Variants in GRIN3A observed in about 807,000 individuals in gnomAD.
GRIN3A encodes the protein glutamate receptor ionotropic, NMDA 3A.
A neutral mutation model predicts 92.4 loss-of-function variants in GRIN3A; 47 were observed. The observed-to-expected ratio is 0.51, with a 90% confidence interval of 0.40 to 0.65. GRIN3A has a LOEUF of 0.65. Ranked by LOEUF, GRIN3A falls within the 30% of genes least tolerant of loss-of-function variation. GRIN3A has a pLI of 0.00. For missense variants in GRIN3A, 1,324 were observed against 1,393.1 expected (o/e 0.95, Z 0.79); for synonymous variants, 527 against 540.6 (o/e 0.97, Z 0.35).
intron 1 of GRIN3A, among the ~76,000 whole-genome samples, chr9:101,733,365 A>T (rs1185709335): frequency 6.6e-6 from 1 of 152,236 alleles, no homozygotes; most frequent in African/African-American, 2.4e-5. Flanking sequence ...AAATACTTCC[A>T]AGTTAATGCC....
chr9:101,670,994 A>C lies in GRIN3A; in HGVS notation c.1418T>G (p.Met473Arg). Residue 473 changes from methionine (M) to arginine (R), a missense_variant, in exon 3 of 9, where the codon ATG becomes AGG. By Grantham distance (91) the Met-to-Arg change is moderately conservative. Transcript: ENST00000361820. Reference sequence around the variant, plus strand: ...CAAGCGGGTCCACATTGGCTTTCCCATGGGGTCATGTTGAAGATTCCAGAT... The same window carrying C: ...CAAGCGGGTCCACATTGGCTTTCCCCTGGGGTCATGTTGAAGATTCCAGAT... ...FFIWNLQHDPMGKPMWTRLGS... is the reference protein window; with the variant it reads ...FFIWNLQHDPRGKPMWTRLGS... 6.2e-7 allele frequency: 1 copy of C among 1,613,918 alleles called. No individual in the cohort carries two copies. The highest frequency in any genetic ancestry group is 8.5e-7 in the Non-Finnish European group (1 of 1,179,898).
At chr9:101,611,164 G>A (rs1588247418) in intron 6 of GRIN3A, among the ~76,000 whole-genome samples, 1 of 151,834 alleles carries the variant, frequency 6.6e-6, no homozygotes, top group Non-Finnish European at 1.5e-5. Context: ...CAGCTTAGGA[G>A]GCCAAAAGTC....
At chr9:101,662,393 C>T (rs909960039) in intron 3 of GRIN3A, among the ~76,000 whole-genome samples, 3 of 151,654 alleles carry the variant, frequency 2.0e-5, no homozygotes, top group Non-Finnish European at 2.9e-5. Flanking sequence ...AGACACTATG[C>T]AAGGTGCTTT....
chr9:101,627,753 A>T (rs2118877869), intron 4 of GRIN3A, among the ~76,000 whole-genome samples: 1 of 152,338 alleles, frequency 6.6e-6, no homozygotes, highest in South Asian at 2.1e-4. Flanking sequence ...GATGAGAAGA[A>T]TGCAGGCATG....
intron 3 of GRIN3A, among the ~76,000 whole-genome samples, chr9:101,662,076 G>A (rs1459973020): frequency 2.6e-5 from 4 of 151,784 alleles, no homozygotes; most frequent in African/African-American, 9.7e-5. Context: ...AAAGATTTAA[G>A]GCAGCTTAAA....
intron 1 of GRIN3A, among the ~76,000 whole-genome samples, chr9:101,723,656 C>T (rs1327806608): frequency 2.2e-4 from 34 of 152,130 alleles, no homozygotes; most frequent in Non-Finnish European, 1.2e-4. Context: ...CGTTTACAAT[C>T]CCTGAGCTAG....
chr9:101,644,958 A>G (rs1001672820), intron 3 of GRIN3A, among the ~76,000 whole-genome samples: 1 of 151,940 alleles, frequency 6.6e-6, no homozygotes, highest in African/African-American at 2.4e-5. Context: ...TCAAATCAGG[A>G]TGATTAGGAT....
chr9:101,704,062 G>C (rs1829784822), intron 1 of GRIN3A, among the ~76,000 whole-genome samples: 1 of 152,130 alleles, frequency 6.6e-6, no homozygotes, highest in African/African-American at 2.4e-5. Flanking sequence ...GCAAACAACG[G>C]TATTTACTAA....
chr9:101,660,955 G>T (rs576631788), intron 3 of GRIN3A, among the ~76,000 whole-genome samples: 2 of 151,870 alleles, frequency 1.3e-5, no homozygotes, highest in Admixed American at 6.6e-5. Context: ...CACTCTGCTA[G>T]GTTCTGAGGA....
intron 3 of GRIN3A, among the ~76,000 whole-genome samples, chr9:101,635,235 C>G (rs1828769619): frequency 6.6e-6 from 1 of 152,042 alleles, no homozygotes. Context: ...TGCATCAAGT[C>G]TCTTGTAGGG....
intron 1 of GRIN3A, among the ~76,000 whole-genome samples, chr9:101,688,994 C>G (rs1829577238): frequency 6.6e-6 from 1 of 152,196 alleles, no homozygotes; most frequent in Non-Finnish European, 1.5e-5. Context: ...CAGGCTTGAG[C>G]TGCCAGCAGG....
intron 3 of GRIN3A, among the ~76,000 whole-genome samples, chr9:101,634,971 C>T (rs1484168957): frequency 6.6e-6 from 1 of 152,174 alleles, no homozygotes; most frequent in African/African-American, 2.4e-5. Flanking sequence ...AAGAATGTTG[C>T]TGAGGTCCAC....
chr9:101,627,018 T>C (rs1411333396), intron 4 of GRIN3A, among the ~76,000 whole-genome samples: 3 of 152,204 alleles, frequency 2.0e-5, no homozygotes, highest in Admixed American at 2.0e-4. Context: ...CAGCAGTAGC[T>C]CATCTCATCC....
intron 1 of GRIN3A, among the ~76,000 whole-genome samples, chr9:101,714,261 G>T (rs1046843753): frequency 3.9e-5 from 6 of 152,116 alleles, no homozygotes; most frequent in African/African-American, 1.4e-4. Context: ...TAGAGAACAT[G>T]CTGAGATAGA....
At position 101,573,388 on chromosome 9, in the gene GRIN3A, T is replaced by A. The variant is rs1278911683; in HGVS notation, c.3134A>T (p.Asp1045Val). ...QNQLGIRIHQ[D>V]IPLPPRRREL... Reference sequence around the variant, plus strand: ...TCTTCTCCTTGGAGGGAGGGGGATGTCCTGGTGGATCCGGATGCCCAGCTG... The same window carrying A: ...TCTTCTCCTTGGAGGGAGGGGGATGACCTGGTGGATCCGGATGCCCAGCTG... Residue 1045 changes from aspartate to valine, a missense_variant, in exon 9 of 9, where the codon GAC becomes GTC. By Grantham distance (152) the Asp-to-Val change is radical (BLOSUM62 -3). Coordinates refer to ENST00000361820, the MANE Select transcript of GRIN3A (RefSeq NM_133445.3). 6.2e-7 allele frequency: 1 copy of A among 1,613,940 alleles called. No homozygotes were observed. Among genetic ancestry groups the A allele is most frequent in the Non-Finnish European group, 8.5e-7 (1 of 1,179,984 alleles).
Position 101,714,832 on chromosome 9 carries a change from A to G in GRIN3A, c.699+22449T>C, listed in dbSNP as rs73658826. Among the ~76,000 whole-genome samples the G allele has an allele frequency of 2.1e-3, 327 of 152,298 alleles. 2 individuals carry two copies. The highest frequency in any genetic ancestry group is 7.3e-3 in the African/African-American group (304 of 41,560). On this transcript the variant is annotated intron_variant, in intron 1 of 8. Transcript: ENST00000361820. ...CTGACAAAATGTTTTAATTAGAAAA[A>G]CTGTCAAATATTTTGGAAGAAAGAA...
At chr9:101,691,146 T>A (rs1047918778) in intron 1 of GRIN3A, among the ~76,000 whole-genome samples, 1 of 152,148 alleles carries the variant, frequency 6.6e-6, no homozygotes, top group Non-Finnish European at 1.5e-5. Flanking sequence ...GTTCACCAAA[T>A]GTATAAAACA....
intron 1 of GRIN3A, among the ~76,000 whole-genome samples, chr9:101,708,191 C>T (rs1370123014): frequency 2.6e-5 from 4 of 152,040 alleles, no homozygotes; most frequent in African/African-American, 4.8e-5. Context: ...AGTGAATGAA[C>T]GCTAATAGTA....
At chr9:101,682,936 T>C (rs561567149) in intron 2 of GRIN3A, among the ~76,000 whole-genome samples, 2 of 152,280 alleles carry the variant, frequency 1.3e-5, no homozygotes, top group African/African-American at 2.4e-5. Flanking sequence ...GAGCCGAGAT[T>C]GCGCCACCGC....
Sources: gnomAD v4.1 joint callset for allele counts (sites outside exome capture counted in the v4.1 genomes callset) on GRCh38, gnomAD v4.1.1 for gene constraint, MANE v1.5 for transcripts, NCBI Gene and HGNC (gene_info 2026-07-23, HGNC 2026-07-21) for gene names.